UBXN2B: variants seen among roughly 807,000 people sequenced by gnomAD.
UBXN2B encodes the protein UBX domain-containing protein 2B.
UBXN2B carries 19 observed loss-of-function variants against 37.5 expected under a neutral mutation model. That is an observed-to-expected ratio of 0.51 (90% CI 0.35 to 0.74). UBXN2B has a LOEUF of 0.74. Ranked by LOEUF, UBXN2B falls within the 30% of genes least tolerant of loss-of-function variation. The pLI, the probability that UBXN2B is intolerant of heterozygous loss-of-function variation, is 0.01. For synonymous variants in UBXN2B, 145 were observed against 143.8 expected (o/e 1.01, Z -0.06); for missense variants, 370 against 393.2 (o/e 0.94, Z 0.50).
At chr8:58,426,202 CTTTTTTTTT>C (rs34005463) in intron 2 of UBXN2B, 3 of 320,646 alleles carry the variant, frequency 9.4e-6, no homozygotes, top group Non-Finnish European at 1.7e-5. Flanking sequence ...TGTTCTGAAT[CTTTTTTTTT>C]TTTTTTTTTT....
At chr8:58,432,727 G>A (rs1808316028) in intron 3 of UBXN2B, among the ~76,000 whole-genome samples, 2 of 152,012 alleles carry the variant, frequency 1.3e-5, no homozygotes, top group South Asian at 2.1e-4. Context: ...TACTAAAGAC[G>A]AACAGTTACG....
intron 7 of UBXN2B, among the ~76,000 whole-genome samples, chr8:58,446,777 G>C: frequency 5.3e-5 from 1 of 19,040 alleles, no homozygotes; most frequent in African/African-American, 1.9e-4. Flanking sequence ...AGTACAACCT[G>C]CATTTTTTTT....
chr8:58,419,680 A>C (rs1807875946), intron 2 of UBXN2B, among the ~76,000 whole-genome samples: 1 of 152,260 alleles, frequency 6.6e-6, no homozygotes, highest in Non-Finnish European at 1.5e-5. Flanking sequence ...AAAGGATTTA[A>C]GATATTAGGA....
rs1208361237 is a variant in UBXN2B, at chr8:58,432,399, T to TTTC, written c.340-760_340-759insTCT. Among the ~76,000 whole-genome samples, 14 of 130,924 alleles carry TTTC rather than the reference T, an allele frequency of 1.1e-4. 1 individual carries two copies. The highest frequency in any genetic ancestry group is 4.0e-4 in the African/African-American group (14 of 34,830). The allele number at this position is 130,924 out of a possible 152,430, so 85.9% of individuals were successfully genotyped here. ...TCTTTTTTTTTTTTTTTTTTTTTTT[T>TTTC]TGAGACAGGGTCTCGCTCTGTTGCC... On this transcript the variant is annotated intron_variant, in intron 3 of 7. Coordinates refer to ENST00000399598, the MANE Select transcript of UBXN2B (RefSeq NM_001077619.2).
At chr8:58,435,153 A>G (rs1441802712) in intron 5 of UBXN2B, 1 of 1,355,696 alleles carries the variant, frequency 7.4e-7, no homozygotes, top group African/African-American at 1.5e-5. Context: ...TAAAGACATA[A>G]AGTTGAGCAT....
chr8:58,425,665 A>G, intron 2 of UBXN2B: 2 of 1,167,210 alleles, frequency 1.7e-6, no homozygotes. Flanking sequence ...GTCTCAGCTA[A>G]TTTGCTTAGT....
In UBXN2B at chr8:58,423,657, G is replaced by A. The variant is rs532467721; in HGVS notation, c.188+6704G>A. ...TCACCGTGTTAACCAGGATGGTCTCGATCTCCTGACCTCATGATCCGCCAG... is the reference window on the plus strand; with the variant it reads ...TCACCGTGTTAACCAGGATGGTCTCAATCTCCTGACCTCATGATCCGCCAG... On this transcript the variant is annotated intron_variant, in intron 2 of 7. Transcript: ENST00000399598. Among the ~76,000 whole-genome samples the A allele has an allele frequency of 3.0e-4, 46 of 151,472 alleles. 1 individual carries two copies. The South Asian group carries it at 7.7e-3, about 25-fold the overall frequency.
chr8:58,451,058 GA>G lies in UBXN2B; in HGVS notation c.*3508del, dbSNP rs1175047283. On this transcript the variant is annotated 3_prime_UTR_variant, in exon 8 of 8. Transcript: ENST00000399598. ...GTCAAAATCATCTTCCGAAGAAAAT[GA>G]TTTCTTAAAAGAATTGAACATTGTA... 6.6e-6 allele frequency: 1 copy of G among 152,612 alleles called. No homozygotes were observed. Among genetic ancestry groups the G allele is most frequent in the Non-Finnish European group, 1.5e-5 (1 of 68,028 alleles). 9.5% of individuals were successfully genotyped at this position (152,612 alleles called of 1,614,324 possible). A position where few individuals can be genotyped will look rare whatever the true frequency, so the allele number is the denominator to read the frequency against.
rs778443692 is a variant in UBXN2B at position 58,449,686 on chromosome 8, T to A, written c.*2135T>A. The A allele has an allele frequency of 1.3e-5, 2 of 152,254 alleles. No homozygotes were observed. Among genetic ancestry groups the A allele is most frequent in the African/African-American group, 2.4e-5 (1 of 41,468 alleles). 9.4% of individuals were successfully genotyped at this position (152,254 alleles called of 1,614,324 possible). Reference sequence around the variant, plus strand: ...AATTTACAAAACCAGCGAGGCACCCTTCTTTAAGTTTCAAGGCCTGGGAGT... The same window carrying A: ...AATTTACAAAACCAGCGAGGCACCCATCTTTAAGTTTCAAGGCCTGGGAGT... On this transcript the variant is annotated 3_prime_UTR_variant, in exon 8 of 8. Coordinates refer to ENST00000399598, the MANE Select transcript of UBXN2B (RefSeq NM_001077619.2).
intron 6 of UBXN2B, among the ~76,000 whole-genome samples, chr8:58,443,085 G>A (rs1808588471): frequency 6.6e-6 from 1 of 152,220 alleles, no homozygotes; most frequent in South Asian, 2.1e-4. Context: ...TGAGCAGGCA[G>A]TGCTGTGCCT....
rs1030375037 is a variant in UBXN2B at position 58,426,102 on chromosome 8, T to C, written c.189-4417T>C. On this transcript the variant is annotated intron_variant, in intron 2 of 7. Transcript: ENST00000399598. ...TCAATAACATCTCCATTCTTCTCTT[T>C]TAATTGCCCGTGATGTTCTGTGTAA... 2.2e-6 allele frequency: 3 copies of C among 1,380,230 alleles called. No homozygotes were observed. In the East Asian group the frequency reaches 6.9e-5, roughly 32 times the overall value. 85.5% of individuals were successfully genotyped at this position (1,380,230 alleles called of 1,614,324 possible). A position where few individuals can be genotyped will look rare whatever the true frequency, so the allele number is the denominator to read the frequency against.
intron 1 of UBXN2B, 141 bp downstream of exon 1, chr8:58,411,610 C>T: frequency 1.6e-6 from 1 of 632,422 alleles, no homozygotes. Context: ...GGCGCCCGGT[C>T]TCCCGATGTC....
At chr8:58,429,394 T>A (rs1267908518) in intron 2 of UBXN2B, among the ~76,000 whole-genome samples, 1 of 152,162 alleles carries the variant, frequency 6.6e-6, no homozygotes, top group Non-Finnish European at 1.5e-5. Context: ...TCTGGACCCT[T>A]GAGTGTAAGC....
At chr8:58,438,044 C>G (rs1333322487) in intron 5 of UBXN2B, among the ~76,000 whole-genome samples, 1 of 151,892 alleles carries the variant, frequency 6.6e-6, no homozygotes, top group East Asian at 1.9e-4. Flanking sequence ...TGTGCAGCCT[C>G]TGGACACTGT....
In UBXN2B at chr8:58,432,476, G is replaced by A. The variant is rs1014164769; in HGVS notation, c.340-684G>A. ...GGGCTGACTGCAAGCTCCGCCTCCC[G>A]GGTTCACACCATTCTCCTGCCTCAG... On this transcript the variant is annotated intron_variant, in intron 3 of 7. Transcript: ENST00000399598. Among the ~76,000 whole-genome samples the A allele has an allele frequency of 5.9e-5, 8 of 134,622 alleles. No homozygotes were observed. The East Asian group carries it at 1.5e-3, about 24-fold the overall frequency. The allele number at this position is 134,622 out of a possible 152,430, so 88.3% of individuals were successfully genotyped here. A position where few individuals can be genotyped will look rare whatever the true frequency, so the allele number is the denominator to read the frequency against.
intron 2 of UBXN2B, among the ~76,000 whole-genome samples, chr8:58,421,849 T>C (rs1807934210): frequency 6.6e-6 from 1 of 152,240 alleles, no homozygotes; most frequent in South Asian, 2.1e-4. Context: ...GATAGTTTGC[T>C]GACCTTGTGG....
rs778319201 is a variant in UBXN2B, at chr8:58,450,788, C to T, written c.*3237C>T. On this transcript the variant is annotated 3_prime_UTR_variant, in exon 8 of 8. Transcript: ENST00000399598. The stretch of plus-strand genomic sequence containing the variant: ...TTTGGAATTCACCTTTCTCCAGGGT[C>T]ACTGTTTATTTCAAAGAGGTGAATT... The T allele has an allele frequency of 1.4e-4, 22 of 152,322 alleles. No homozygotes were observed. The highest frequency in any genetic ancestry group is 1.2e-3 in the East Asian group (6 of 5,180). 9.4% of individuals were successfully genotyped at this position (152,322 alleles called of 1,614,324 possible).
chr8:58,434,566 T>A, intron 5 of UBXN2B, 62 bp downstream of exon 5: 1 of 1,201,124 alleles, frequency 8.3e-7, no homozygotes, highest in Non-Finnish European at 1.1e-6. Context: ...CTTAACAGAC[T>A]ACTCATTATT....
At chr8:58,416,680 T>C (rs565221606) in intron 1 of UBXN2B, among the ~76,000 whole-genome samples, 170 bp from the exon 2 acceptor site, 29 of 152,328 alleles carry the variant, frequency 1.9e-4, no homozygotes, top group African/African-American at 7.0e-4. Context: ...TAGTTCTATA[T>C]AATGAGATGC....
Sources: gnomAD v4.1 joint callset for allele counts (sites outside exome capture counted in the v4.1 genomes callset) on GRCh38, gnomAD v4.1.1 for gene constraint, MANE v1.5 for transcripts, NCBI Gene and HGNC (gene_info 2026-07-23, HGNC 2026-07-21) for gene names.